Variants in SPOCD1 observed in about 807,000 individuals in gnomAD.
SPOCD1 encodes SPOC domain-containing protein 1.
A neutral mutation model predicts 92.2 loss-of-function variants in SPOCD1; 64 were observed. The observed-to-expected ratio is 0.69, with a 90% CI of 0.57 to 0.86. The LOEUF (loss-of-function observed/expected upper bound fraction) is 0.86. Ranked by LOEUF, SPOCD1 falls within the 40% of genes least tolerant of loss-of-function variation. The pLI is 0.00. For synonymous variants in SPOCD1, 578 were observed against 619.3 expected (o/e 0.93, Z 0.99); for missense variants, 1,360 against 1,543.1 (o/e 0.88, Z 1.99).
chr1:31,813,874 T>A (rs1649360045), intron 2 of SPOCD1, 77 bp downstream of exon 2: 35 of 1,330,724 alleles, frequency 2.6e-5, no homozygotes, highest in Non-Finnish European at 3.5e-5. Context: ...CTTAGCTTTA[T>A]TAAATTCCAC....
intron 11 of SPOCD1, 36 bp downstream of exon 11, chr1:31,794,088 C>T: frequency 6.3e-7 from 1 of 1,596,462 alleles, no homozygotes; most frequent in East Asian, 2.2e-5. Context: ...CCCAGCCTGG[C>T]TGCCACCCCT....
intron 13 of SPOCD1, 74 bp downstream of exon 13, chr1:31,793,204 A>AAGAGAG: frequency 7.3e-7 from 1 of 1,373,454 alleles, no homozygotes; most frequent in Non-Finnish European, 9.8e-7. Context: ...GCATGAGTGA[A>AAGAGAG]AGAGAGAGAG....
chr1:31,803,760 G>A (rs540439898), intron 2 of SPOCD1, among the ~76,000 whole-genome samples: 66 of 150,264 alleles, frequency 4.4e-4, no homozygotes, highest in African/African-American at 1.6e-3. Context: ...GAAAGGAAAG[G>A]AGAGGAGAAG....
chr1:31,810,713 T>C (rs534966539), intron 2 of SPOCD1, among the ~76,000 whole-genome samples: 6 of 152,316 alleles, frequency 3.9e-5, no homozygotes, highest in East Asian at 3.9e-4. Flanking sequence ...TCTCAGTCTA[T>C]AGTAGGCACA....
At chr1:31,810,181 C>A (rs987522918) in intron 2 of SPOCD1, among the ~76,000 whole-genome samples, 6 of 152,016 alleles carry the variant, frequency 3.9e-5, no homozygotes, top group Admixed American at 6.6e-5. Flanking sequence ...GATCCCTGGA[C>A]GAGCCCCCTC....
Position 31,798,431 on chromosome 1 carries a change from G to A in SPOCD1, c.2028+11C>T. 1 of 1,602,780 alleles carries A rather than the reference G, an allele frequency of 6.2e-7. No individual in the cohort carries two copies. Among genetic ancestry groups the A allele is most frequent in the South Asian group, 1.1e-5 (1 of 89,114 alleles). ...GAGAGGGGACGCAGCCCAGCCCAAA[G>A]CCCTGCTCACCAGGTTCCTGGGGTC... On this transcript the variant is annotated intron_variant, in intron 8 of 15. Coordinates refer to ENST00000360482, the MANE Select transcript of SPOCD1 (RefSeq NM_144569.7). The surrounding 1 kb of genome is among the most constrained non-coding windows in gnomAD (Gnocchi z 4.1).
chr1:31,791,212 C>A lies in SPOCD1; in HGVS notation c.3042G>T (p.Leu1014=). 1.2e-6 allele frequency: 2 copies of A among 1,604,392 alleles called. No homozygotes were observed. Among genetic ancestry groups the A allele is most frequent in the Non-Finnish European group, 8.5e-7 (1 of 1,174,560 alleles). ...TGTCTGGAAGCCCTTCCTTGGGGAG[C>A]AGCACAGCCAGCAACAGACTTGAGT... The part of the protein sequence containing the change: ...VTHSSLLLAV[L]LPKEGLPDTA... Residue 1014 remains leucine, a synonymous_variant, in exon 16 of 16, where the codon CTG becomes CTT. Transcript: ENST00000360482.
In SPOCD1 at chr1:31,800,598, A is replaced by G. The variant is rs1195731202; in HGVS notation, c.1445T>C (p.Ile482Thr). The G allele has an allele frequency of 1.9e-6, 3 of 1,608,218 alleles. No individual in the cohort carries two copies. The highest frequency in any genetic ancestry group is 2.5e-6 in the Non-Finnish European group (3 of 1,176,978). Reference protein sequence around the residue: ...LVCYLGSGPVIQLLGAISHGQ... With the variant: ...LVCYLGSGPVTQLLGAISHGQ... ...GTGGCTGATGGCCCCCAGGAGCTGG[A>G]TCACTGGCCCGGAACCCAGCTGCGG... The change falls in exon 4 of 16, where the codon ATC (isoleucine) becomes ACC (threonine). Residue 482 changes from isoleucine (I) to threonine (T), a missense_variant. Coordinates refer to ENST00000360482, the MANE Select transcript of SPOCD1 (RefSeq NM_144569.7).
chr1:31,792,693 G>GCAGATGCTGGC lies in SPOCD1; in HGVS notation c.2749_2759dup (p.Cys920TrpfsTer144), dbSNP rs1557814729. ...GGGCAGGTACCTTGGCCTTGGCTGG[G>GCAGATGCTGGC]CAGATGCTGGCCAGAAGGTCCCAGA... On this transcript the variant is annotated frameshift_variant, in exon 14 of 16. Transcript: ENST00000360482. LOFTEE classifies it high-confidence loss of function. The GCAGATGCTGGC allele has an allele frequency of 1.2e-6, 2 of 1,603,406 alleles. No individual in the cohort carries two copies. Among genetic ancestry groups the GCAGATGCTGGC allele is most frequent in the African/African-American group, 1.3e-5 (1 of 74,928 alleles).
Position 31,798,915 on chromosome 1 carries a change from G to A in SPOCD1, c.1869-314C>T, listed in dbSNP as rs1648225856. On this transcript the variant is annotated intron_variant, in intron 7 of 15. Transcript: ENST00000360482. This position sits in a 1 kb window ranked among gnomAD's most constrained non-coding sequence, Gnocchi z 4.1. The stretch of plus-strand genomic sequence containing the variant: ...AGCCTGTGCCCCGTCTCTGGCTCAC[G>A]GGATGTGTGGAGGGGAGGAAGCCGG... 4 of 564,918 alleles carry A rather than the reference G, an allele frequency of 7.1e-6. No individual in the cohort carries two copies. The highest frequency in any genetic ancestry group is 2.4e-5 in the South Asian group (1 of 41,638). The allele number at this position is 564,918 out of a possible 1,614,324, so 35.0% of individuals were successfully genotyped here.
chr1:31,809,660 C>A (rs1649072325), intron 2 of SPOCD1, among the ~76,000 whole-genome samples: 1 of 152,180 alleles, frequency 6.6e-6, no homozygotes, highest in African/African-American at 2.4e-5. Flanking sequence ...GTTACTTAAT[C>A]TCTCTGTGCC....
Position 31,798,054 on chromosome 1 carries a change from C to T in SPOCD1, c.2145+153G>A, listed in dbSNP as rs1165377980. On this transcript the variant is annotated intron_variant, in intron 9 of 15. Transcript: ENST00000360482. This position sits in a 1 kb window ranked among gnomAD's most constrained non-coding sequence, Gnocchi z 4.1. ...TGTTTCTCTTGTGGGGAGGGTCTCT[C>T]TGACTCCCTATCTGCCTTCTCTGTT... 6.6e-6 allele frequency among the ~76,000 whole-genome samples: 1 copy of T among 152,166 alleles called. No homozygotes were observed. The highest frequency in any genetic ancestry group is 2.4e-5 in the African/African-American group (1 of 41,432).
At chr1:31,807,563 G>A (rs1442651863) in intron 2 of SPOCD1, among the ~76,000 whole-genome samples, 1 of 151,110 alleles carries the variant, frequency 6.6e-6, no homozygotes, top group African/African-American at 2.4e-5. Context: ...TAATTAAAAG[G>A]TTCTTTTATA....
At chr1:31,813,190 T>C (rs1313866772) in intron 2 of SPOCD1, among the ~76,000 whole-genome samples, 1 of 152,246 alleles carries the variant, frequency 6.6e-6, no homozygotes, top group Non-Finnish European at 1.5e-5. Context: ...ACAGGGTAAC[T>C]GTGAACACTA....
rs766095090 is a variant in SPOCD1 at position 31,791,332 on chromosome 1, T to A, written c.2963-41A>T. On this transcript the variant is annotated intron_variant, in intron 15 of 15. Coordinates refer to ENST00000360482, the MANE Select transcript of SPOCD1 (RefSeq NM_144569.7). ...GTGTTCAGCTTAGCTGCAGCAGATC[T>A]GGAGCCTACATCCCAGGAAGGGCTT... The A allele has an allele frequency of 4.2e-6, 6 of 1,434,196 alleles. 1 individual carries two copies. Among genetic ancestry groups the A allele is most frequent in the Non-Finnish European group, 5.5e-6 (6 of 1,086,066 alleles). The allele number at this position is 1,434,196 out of a possible 1,614,324, so 88.8% of individuals were successfully genotyped here. A position where few individuals can be genotyped will look rare whatever the true frequency, so the allele number is the denominator to read the frequency against.
chr1:31,807,519 CTG>C (rs761187082), intron 2 of SPOCD1, among the ~76,000 whole-genome samples: 15 of 147,924 alleles, frequency 1.0e-4, no homozygotes, highest in African/African-American at 2.2e-4. Context: ...AATGATAAGA[CTG>C]TATGTTAAGT....
chr1:31,793,231 G>A (rs1208477689), intron 13 of SPOCD1, 47 bp downstream of exon 13: 2 of 1,537,828 alleles, frequency 1.3e-6, no homozygotes, highest in African/African-American at 1.4e-5. Flanking sequence ...AGGCTGCCTG[G>A]GCTGGTCAGT....
chr1:31,791,699 A>G (rs1253244868), intron 15 of SPOCD1, among the ~76,000 whole-genome samples: 2 of 152,142 alleles, frequency 1.3e-5, no homozygotes, highest in Non-Finnish European at 2.9e-5. Flanking sequence ...TGACATTTAC[A>G]GTCAAGTGTG....
Position 31,814,412 on chromosome 1 carries a change from C to T in SPOCD1, c.922G>A (p.Val308Met). 1 of 1,609,426 alleles carries T rather than the reference C, an allele frequency of 6.2e-7. No individual in the cohort carries two copies. The highest frequency in any genetic ancestry group is 8.5e-7 in the Non-Finnish European group (1 of 1,177,892). ...GSPCGPVGFP[V>M]PSGGESLSSA... ...CTGAGGGACTCCCCTCCACTGGGCA[C>T]TGGGAACCCGACAGGGCCACAGGGG... The change falls in exon 2 of 16, where the codon GTG becomes ATG. Residue 308 changes from valine to methionine, a missense_variant. This residue lies in a region of SPOCD1 where 606 missense variants were observed against 601.5 expected (regional missense o/e 1.01). Coordinates refer to ENST00000360482, the MANE Select transcript of SPOCD1 (RefSeq NM_144569.7). This position sits in a 1 kb window ranked among gnomAD's most constrained non-coding sequence, Gnocchi z 4.2.
Sources: gnomAD v4.1 joint callset for allele counts (sites outside exome capture counted in the v4.1 genomes callset) on GRCh38, gnomAD v4.1.1 for gene constraint, gnomAD v4.1.1 regional missense constraint, Gnocchi (gnomAD v3.1) non-coding constraint, MANE v1.5 for transcripts, NCBI Gene and HGNC (gene_info 2026-07-23, HGNC 2026-07-21) for gene names.